The following ZNF550 variants were observed in gnomAD, a reference collection of about 807,000 sequenced individuals.
ZNF550 encodes zinc finger protein 550.
ZNF550 carries 42 observed loss-of-function variants against 40.2 expected under a neutral mutation model. The ratio of observed to expected loss-of-function variants is 1.05; its 90% CI spans 0.82 to 1.35. The LOEUF (loss-of-function observed/expected upper bound fraction) is 1.35, where lower values mean the gene tolerates loss of function less well. ZNF550 is among the 40% of genes most tolerant of loss of function. The probability of loss-of-function intolerance (pLI) is 0.00; values close to 1 mark genes in which losing one functional copy is unlikely to be tolerated. For missense variants in ZNF550, 549 were observed against 525.2 expected (o/e 1.05, Z -0.44); for synonymous variants, 223 against 198.6 (o/e 1.12, Z -1.03).
chr19:57,556,354 A>G (rs1431737242), exon 2 of ZNF550: 2 of 1,612,458 alleles, frequency 1.2e-6, no homozygotes, highest in East Asian at 2.2e-5. Flanking sequence ...AAGGTCACCA[A>G]CATCTGGAAA....
exon 1 of ZNF550, chr19:57,559,756 G>T: frequency 7.6e-7 from 1 of 1,310,098 alleles, no homozygotes; most frequent in Non-Finnish European, 1.0e-6. Flanking sequence ...TCCTACAACG[G>T]TGCGGAGGTG....
intron 3 of ZNF550, among the ~76,000 whole-genome samples, chr19:57,548,999 G>T (rs1158401981): frequency 1.3e-5 from 2 of 152,150 alleles, no homozygotes; most frequent in African/African-American, 4.8e-5. Context: ...TGGAAACTGG[G>T]AACGGCAGTA....
intron 3 of ZNF550, among the ~76,000 whole-genome samples, chr19:57,550,041 G>T (rs561030484): frequency 6.6e-6 from 1 of 151,326 alleles, no homozygotes; most frequent in Admixed American, 6.5e-5. Flanking sequence ...ATTAAATTGT[G>T]GGACATTACC....
intron 4 of ZNF550, chr19:57,543,436 G>A (rs899401200): frequency 1.1e-5 from 3 of 270,748 alleles, no homozygotes; most frequent in African/African-American, 2.3e-5. Flanking sequence ...TTTCTAATTC[G>A]TCTTTGCATG....
rs553513800 is a variant in ZNF550 at position 57,543,921 on chromosome 19, A to G, written c.*519-678T>C. On this transcript the variant is annotated intron_variant, in intron 4 of 4. Transcript: ENST00000457177. The stretch of plus-strand genomic sequence containing the variant: ...CCACTGCACTCCAGCCTGGGCAACA[A>G]GAGTGAAACTCTGTCTCAAAAACAA... 1.1e-5 allele frequency: 11 copies of G among 970,116 alleles called. No individual in the cohort carries two copies. The South Asian group carries it at 3.3e-4, about 29-fold the overall frequency. The allele number at this position is 970,116 out of a possible 1,614,324, so 60.1% of individuals were successfully genotyped here.
intron 4 of ZNF550, among the ~76,000 whole-genome samples, chr19:57,544,870 C>G (rs1428268326): frequency 6.6e-6 from 1 of 152,098 alleles, no homozygotes; most frequent in Non-Finnish European, 1.5e-5. Flanking sequence ...ACCTGTAATC[C>G]CAGCTTTTTG....
exon 4 of ZNF550, chr19:57,547,737 G>C (rs1399231928): frequency 1.2e-6 from 2 of 1,614,008 alleles, no homozygotes; most frequent in African/African-American, 2.7e-5. Context: ...ATGCCCTGGA[G>C]TGCAGACCAT....
At chr19:57,551,944 G>A (rs1358369244) in intron 3 of ZNF550, among the ~76,000 whole-genome samples, 2 of 152,206 alleles carry the variant, frequency 1.3e-5, no homozygotes, top group East Asian at 1.9e-4. Context: ...CGGAGAGGGT[G>A]GAAAAGAGTG....
At chr19:57,545,213 A>T (rs2089997889) in intron 4 of ZNF550, among the ~76,000 whole-genome samples, 1 of 152,216 alleles carries the variant, frequency 6.6e-6, no homozygotes, top group Admixed American at 6.5e-5. Context: ...AAACCTGCCC[A>T]CGTATATCCT....
chr19:57,559,552 G>C, intron 1 of ZNF550, 104 bp downstream of exon 1: 1 of 1,143,406 alleles, frequency 8.7e-7, no homozygotes. Context: ...AAGAAGCAAC[G>C]GCAGGGACTG....
At chr19:57,552,556 C>T in intron 3 of ZNF550, 71 bp downstream of exon 3, 2 of 1,227,422 alleles carry the variant, frequency 1.6e-6, no homozygotes, top group Non-Finnish European at 2.3e-6. Flanking sequence ...CACAGAAATT[C>T]AGAGGCAGTG....
chr19:57,547,018 T>C, exon 4 of ZNF550: 7 of 1,613,560 alleles, frequency 4.3e-6, no homozygotes, highest in Non-Finnish European at 5.9e-6. Flanking sequence ...TGACCTGCGT[T>C]TGAAGGCCTT....
chr19:57,550,804 A>C (rs987842785), intron 3 of ZNF550, among the ~76,000 whole-genome samples: 1 of 152,164 alleles, frequency 6.6e-6, no homozygotes, highest in Non-Finnish European at 1.5e-5. Flanking sequence ...TTAGTTTGAG[A>C]AATTTTAAAC....
In ZNF550 at chr19:57,552,120, G is replaced by A. The variant is rs2090077410; in HGVS notation, c.250+507C>T. Among the ~76,000 whole-genome samples, 4 of 152,220 alleles carry A rather than the reference G, an allele frequency of 2.6e-5. No homozygotes were observed. The South Asian group carries it at 8.3e-4, about 31-fold the overall frequency. On this transcript the variant is annotated intron_variant, in intron 3 of 4. Transcript: ENST00000457177. ...TCCTATGGACCAGGAACTGAACTAA[G>A]CAGTGTCATGTGTTATCTCTACATC...
upstream of ZNF550, among the ~76,000 whole-genome samples, chr19:57,560,171 T>C (rs1350705782): frequency 6.6e-6 from 1 of 152,190 alleles, no homozygotes; most frequent in Non-Finnish European, 1.5e-5. Context: ...GCTTGCCTCC[T>C]CTGAGTGACC....
At chr19:57,542,316 T>C (rs571365316) in exon 5 of ZNF550, 1 of 149,376 alleles carries the variant, frequency 6.7e-6, no homozygotes, top group Non-Finnish European at 1.5e-5. Context: ...TAGATCACCA[T>C]ATGACCTAGC....
At chr19:57,556,485 A>T in intron 1 of ZNF550, 128 bp from the exon 2 acceptor site, 1 of 1,248,176 alleles carries the variant, frequency 8.0e-7, no homozygotes, top group Admixed American at 2.3e-5. Context: ...CTTTGGGCTG[A>T]CTTCCGTGCA....
At chr19:57,547,075 G>A (rs1260365148) in exon 4 of ZNF550, 1 of 1,605,490 alleles carries the variant, frequency 6.2e-7, no homozygotes, top group African/African-American at 1.4e-5. Context: ...GTGGATGACA[G>A]AGTGCTGAAT....
At chr19:57,544,618 C>A in intron 4 of ZNF550, 1 of 985,064 alleles carries the variant, frequency 1.0e-6, no homozygotes, top group Non-Finnish European at 1.2e-6. Context: ...CTTAACTCAC[C>A]AAGAATTCTA....
Sources: allele counts gnomAD v4.1 joint callset (sites outside exome capture counted in the v4.1 genomes callset), GRCh38; gene constraint gnomAD v4.1.1; transcripts MANE v1.5; gene names NCBI Gene and HGNC (gene_info 2026-07-23, HGNC 2026-07-21).